Variants in SLC2A9 observed in about 807,000 individuals in gnomAD.
SLC2A9 encodes the protein solute carrier family 2, facilitated glucose transporter member 9.
SLC2A9 carries 39 observed loss-of-function variants against 50.6 expected under a neutral mutation model. The ratio of observed to expected loss-of-function variants is 0.77; its 90% CI spans 0.60 to 1.01. SLC2A9 has a LOEUF of 1.01. Ranked by LOEUF, SLC2A9 falls within the 50% of genes least tolerant of loss-of-function variation. The pLI, the probability that SLC2A9 is intolerant of heterozygous loss-of-function variation, is 0.00. For missense variants in SLC2A9, 686 were observed against 677.6 expected, an observed-to-expected ratio of 1.01 and a Z score of -0.14; for synonymous variants, 324 against 276.9, an observed-to-expected ratio of 1.17 and a Z score of -1.69.
intron 2 of SLC2A9, among the ~76,000 whole-genome samples, chr4:10,015,082 G>A (rs908413745): frequency 1.1e-4 from 16 of 152,212 alleles, no homozygotes; most frequent in African/African-American, 3.9e-4. Context: ...GACAATCACA[G>A]GTGCCTGCTT....
chr4:9,979,392 T>C (rs1474107448), intron 5 of SLC2A9, among the ~76,000 whole-genome samples: 1 of 152,160 alleles, frequency 6.6e-6, no homozygotes, highest in African/African-American at 2.4e-5. Flanking sequence ...TTGTGCACTG[T>C]TCGTGCCTAG....
At chr4:9,951,561 T>C (rs963120672) in intron 5 of SLC2A9, among the ~76,000 whole-genome samples, 1 of 152,150 alleles carries the variant, frequency 6.6e-6, no homozygotes, top group Admixed American at 6.5e-5. Flanking sequence ...ATAATTGCCA[T>C]ATCCCACTTA....
At chr4:9,917,895 T>C in intron 7 of SLC2A9, among the ~76,000 whole-genome samples, 1 of 152,074 alleles carries the variant, frequency 6.6e-6, no homozygotes. Context: ...ACAATGAATT[T>C]TCCAGCTCAA....
intron 10 of SLC2A9, among the ~76,000 whole-genome samples, chr4:9,850,332 G>T (rs1187127535): frequency 6.6e-6 from 1 of 152,216 alleles, no homozygotes; most frequent in Non-Finnish European, 1.5e-5. Flanking sequence ...GTTGCCCAGA[G>T]GGTTTGGTGT....
rs746485772 is a variant in SLC2A9 at position 9,782,245 on chromosome 4, C to A, written n.386-2180G>T. 5.0e-6 allele frequency: 8 copies of A among 1,613,442 alleles called. No homozygotes were observed. In the African/African-American group the frequency reaches 6.7e-5, roughly 13 times the overall value. On this transcript the variant is annotated intron_variant and non_coding_transcript_variant, in intron 3 of 3. Transcript: ENST00000503803. ...CCATCGTGCGGAGCCGCCACCTGCGCGCCAACATGACCAACGTCTTCATCG... is the reference window on the plus strand; with the variant it reads ...CCATCGTGCGGAGCCGCCACCTGCGAGCCAACATGACCAACGTCTTCATCG...
chr4:9,911,285 C>T (rs553414172), intron 7 of SLC2A9, among the ~76,000 whole-genome samples: 52 of 152,202 alleles, frequency 3.4e-4, no homozygotes, highest in East Asian at 1.9e-3. Context: ...CTGTCTGCCC[C>T]GGGGCAGACC....
intron 6 of SLC2A9, among the ~76,000 whole-genome samples, chr4:9,933,036 C>T (rs1301536598): frequency 6.6e-6 from 1 of 152,194 alleles, no homozygotes; most frequent in Non-Finnish European, 1.5e-5. Context: ...CAGCATCTGC[C>T]CTGCTGCCAC....
downstream of SLC2A9, among the ~76,000 whole-genome samples, chr4:9,777,926 C>G (rs1423737404): frequency 2.0e-5 from 3 of 152,182 alleles, no homozygotes; most frequent in Non-Finnish European, 2.9e-5. Flanking sequence ...TTGCTAAGTG[C>G]TTTGTACAAC....
At chr4:9,844,564 T>C (rs748129928) in intron 10 of SLC2A9, among the ~76,000 whole-genome samples, 41 of 152,264 alleles carry the variant, frequency 2.7e-4, no homozygotes, top group Admixed American at 1.6e-3. Context: ...AATTGAATTA[T>C]GCACGTTCTT....
chr4:9,948,233 C>T (rs1749561914), intron 5 of SLC2A9, among the ~76,000 whole-genome samples: 1 of 152,176 alleles, frequency 6.6e-6, no homozygotes, highest in Non-Finnish European at 1.5e-5. Flanking sequence ...TCACACACAT[C>T]CCCCGGGTAG....
chr4:9,879,103 G>T (rs1734769589), intron 10 of SLC2A9: 1 of 981,268 alleles, frequency 1.0e-6, no homozygotes, highest in Non-Finnish European at 1.2e-6. Flanking sequence ...CAAGGTTCTT[G>T]TCTTTGAAGC....
At chr4:10,024,018 C>A (rs1220571814), upstream of SLC2A9, among the ~76,000 whole-genome samples, 1 of 152,330 alleles carries the variant, frequency 6.6e-6, no homozygotes, top group Admixed American at 6.5e-5. Context: ...TCAGTCATTA[C>A]TTGCCTGTCT....
chr4:10,037,545 G>C (rs1764146408), intron 1 of SLC2A9, among the ~76,000 whole-genome samples: 1 of 152,102 alleles, frequency 6.6e-6, no homozygotes, highest in Non-Finnish European at 1.5e-5. Flanking sequence ...AAATTAAAGA[G>C]AATACTGAAA....
chr4:9,882,864 T>A (rs747438647), intron 10 of SLC2A9, among the ~76,000 whole-genome samples: 1 of 152,116 alleles, frequency 6.6e-6, no homozygotes, highest in Non-Finnish European at 1.5e-5. Flanking sequence ...AACCTCATGA[T>A]GGTATTTATT....
At chr4:9,954,277 C>G (rs1010941848) in intron 5 of SLC2A9, among the ~76,000 whole-genome samples, 1 of 152,270 alleles carries the variant, frequency 6.6e-6, no homozygotes, top group Non-Finnish European at 1.5e-5. Context: ...ACAGCTGTCA[C>G]TGTTACCATT....
At chr4:9,901,588 G>T (rs1036038595) in intron 8 of SLC2A9, among the ~76,000 whole-genome samples, 9 of 152,150 alleles carry the variant, frequency 5.9e-5, no homozygotes, top group African/African-American at 2.2e-4. Flanking sequence ...AGACAGCAAA[G>T]AAAACAATCA....
At chr4:9,969,734 G>A (rs1560408279) in intron 5 of SLC2A9, among the ~76,000 whole-genome samples, 1 of 152,144 alleles carries the variant, frequency 6.6e-6, no homozygotes, top group Non-Finnish European at 1.5e-5. Context: ...CATGTGCAGG[G>A]GAACTCTCCT....
At chr4:9,878,207 C>T (rs1432858429) in intron 10 of SLC2A9, among the ~76,000 whole-genome samples, 2 of 151,960 alleles carry the variant, frequency 1.3e-5, no homozygotes, top group Admixed American at 6.6e-5. Flanking sequence ...GTTTTTGGCC[C>T]AGATTTCTTA....
intron 10 of SLC2A9, among the ~76,000 whole-genome samples, chr4:9,841,851 T>TG (rs1294571887): frequency 2.0e-5 from 3 of 152,118 alleles, no homozygotes; most frequent in Non-Finnish European, 4.4e-5. Flanking sequence ...GAGGGCTGTT[T>TG]GGGGGGAAGG....
Sources: gnomAD v4.1 joint callset for allele counts (sites outside exome capture counted in the v4.1 genomes callset) on GRCh38, gnomAD v4.1.1 for gene constraint, MANE v1.5 for transcripts, NCBI Gene and HGNC (gene_info 2026-07-23, HGNC 2026-07-21) for gene names.